The following EXOC4 variants were observed in gnomAD, a reference collection of about 807,000 sequenced individuals.
The protein encoded by EXOC4 is exocyst complex component 4, also known as SEC8-like 1.
In EXOC4, 71 loss-of-function variants were observed where a neutral mutation model predicts 107.2. The ratio of observed to expected loss-of-function variants is 0.66; its 90% confidence interval spans 0.55 to 0.81. The LOEUF (loss-of-function observed/expected upper bound fraction) is 0.81. EXOC4 is among the 30% of genes least tolerant of loss of function. EXOC4 has a pLI of 0.00. For synonymous variants in EXOC4, 456 were observed against 441.2 expected, an observed-to-expected ratio of 1.03 and a Z score of -0.42; for missense variants, 1,108 against 1,189.6, an observed-to-expected ratio of 0.93 and a Z score of 1.01.
chr7:133,314,796 A>T (rs951327143), intron 4 of EXOC4, among the ~76,000 whole-genome samples: 1 of 152,162 alleles, frequency 6.6e-6, no homozygotes, highest in African/African-American at 2.4e-5. Context: ...ATTTATCTGT[A>T]CTTTAAAAGT....
intron 11 of EXOC4, 147 bp from the exon 12 acceptor site, chr7:133,895,452 C>T (rs1435189782): frequency 2.5e-6 from 2 of 787,538 alleles, no homozygotes; most frequent in East Asian, 2.6e-5. Flanking sequence ...TTGGCTCCTC[C>T]CCCTGTTTTG....
At chr7:133,900,956 G>A (rs532699614) in intron 12 of EXOC4, among the ~76,000 whole-genome samples, 122 of 152,152 alleles carry the variant, frequency 8.0e-4, no homozygotes, top group African/African-American at 2.8e-3. Flanking sequence ...TGCAGCCTCC[G>A]CCTCCCAGAT....
At chr7:133,655,311 AC>A (rs1258787771) in intron 10 of EXOC4, among the ~76,000 whole-genome samples, 3 of 152,200 alleles carry the variant, frequency 2.0e-5, no homozygotes, top group Non-Finnish European at 4.4e-5. Flanking sequence ...CATATCTATC[AC>A]CCCAAACCTT....
chr7:133,558,676 G>T (rs970403374), intron 9 of EXOC4, among the ~76,000 whole-genome samples: 26 of 150,856 alleles, frequency 1.7e-4, no homozygotes, highest in Middle Eastern at 3.2e-3. Flanking sequence ...GTTTTTTTCC[G>T]TAGGCTGTGA....
chr7:133,962,882 C>T (rs1385037135), intron 14 of EXOC4, among the ~76,000 whole-genome samples: 1 of 152,216 alleles, frequency 6.6e-6, no homozygotes, highest in Non-Finnish European at 1.5e-5. Flanking sequence ...GTTAATTCCA[C>T]ACTGTGGCTG....
At chr7:133,522,309 A>C (rs988819722) in intron 9 of EXOC4, among the ~76,000 whole-genome samples, 4 of 152,068 alleles carry the variant, frequency 2.6e-5, no homozygotes, top group Non-Finnish European at 5.9e-5. Context: ...TCCATTATAG[A>C]CTTTGCACAT....
At chr7:133,701,065 G>A (rs1033057783) in intron 10 of EXOC4, among the ~76,000 whole-genome samples, 3 of 152,030 alleles carry the variant, frequency 2.0e-5, no homozygotes, top group African/African-American at 4.8e-5. Context: ...ATATAGATAC[G>A]TATGTTAATG....
At chr7:133,321,992 A>T (rs988726142) in intron 5 of EXOC4, among the ~76,000 whole-genome samples, 1 of 150,054 alleles carries the variant, frequency 6.7e-6, no homozygotes, top group Non-Finnish European at 1.5e-5. Context: ...GAGCATTTTC[A>T]TTATGTTGGC....
chr7:133,438,637 C>T (rs1015942542), intron 7 of EXOC4, among the ~76,000 whole-genome samples: 1 of 152,124 alleles, frequency 6.6e-6, no homozygotes, highest in Non-Finnish European at 1.5e-5. Context: ...AGCCAAACAT[C>T]CCAAGTTTTA....
At position 133,787,953 on chromosome 7, in the gene EXOC4, A is replaced by ATTTTTT. The variant is rs1265639298; in HGVS notation, c.1515-29369_1515-29368insTTTTTT. ...CTAGATACTTCTTCCCTGTGCATAT[A>ATTTTTT]TTTATATATTTATATATATATATAT... On this transcript the variant is annotated intron_variant, in intron 10 of 17. Transcript: ENST00000253861. Among the ~76,000 whole-genome samples the ATTTTTT allele has an allele frequency of 2.5e-3, 39 of 15,614 alleles. 1 individual carries two copies. Among genetic ancestry groups the ATTTTTT allele is most frequent in the African/African-American group, 5.7e-3 (38 of 6,670 alleles). 10.2% of individuals were successfully genotyped at this position (15,614 alleles called of 152,430 possible). A position where few individuals can be genotyped will look rare whatever the true frequency, so the allele number is the denominator to read the frequency against.
intron 10 of EXOC4, among the ~76,000 whole-genome samples, chr7:133,762,991 A>G (rs1167979680): frequency 6.6e-6 from 1 of 152,160 alleles, no homozygotes; most frequent in East Asian, 1.9e-4. Context: ...ATACCGATTT[A>G]TAAAGTCAAT....
chr7:133,980,274 A>C (rs1440282676), intron 14 of EXOC4, among the ~76,000 whole-genome samples: 3 of 152,192 alleles, frequency 2.0e-5, no homozygotes, highest in Non-Finnish European at 4.4e-5. Flanking sequence ...ATTTCTTGCA[A>C]GGTTTTTCGA....
At chr7:133,592,340 A>G (rs1468974493) in intron 9 of EXOC4, among the ~76,000 whole-genome samples, 1 of 152,178 alleles carries the variant, frequency 6.6e-6, no homozygotes, top group Non-Finnish European at 1.5e-5. Context: ...TATGGAAAAC[A>G]TTTCCATTTG....
intron 15 of EXOC4, among the ~76,000 whole-genome samples, chr7:134,002,865 G>A (rs6467514): frequency 6.6e-6 from 1 of 151,914 alleles, no homozygotes; most frequent in East Asian, 1.9e-4. Flanking sequence ...TTTGTATACT[G>A]CCAGTAAGTA....
chr7:133,308,918 A>G (rs540006174), intron 4 of EXOC4, among the ~76,000 whole-genome samples: 10 of 152,306 alleles, frequency 6.6e-5, no homozygotes, highest in Admixed American at 2.6e-4. Flanking sequence ...TGCATTTTCC[A>G]TCTTCCCATA....
intron 1 of EXOC4, among the ~76,000 whole-genome samples, chr7:133,270,920 CTTT>C (rs34668596): frequency 7.3e-6 from 1 of 136,276 alleles, no homozygotes. Context: ...TCATGCTTTG[CTTT>C]TTTTTTTTTT....
intron 11 of EXOC4, among the ~76,000 whole-genome samples, chr7:133,826,196 A>T (rs1176532478): frequency 6.6e-6 from 1 of 152,120 alleles, no homozygotes; most frequent in Non-Finnish European, 1.5e-5. Flanking sequence ...TAAATTTTTT[A>T]TTGCTAATAG....
chr7:133,331,325 C>G (rs1795382076), intron 5 of EXOC4, among the ~76,000 whole-genome samples: 1 of 151,960 alleles, frequency 6.6e-6, no homozygotes, highest in South Asian at 2.1e-4. Flanking sequence ...TAAAGAATCT[C>G]TATAAATCAA....
intron 7 of EXOC4, among the ~76,000 whole-genome samples, chr7:133,437,711 C>T (rs1256728262): frequency 6.6e-6 from 1 of 152,170 alleles, no homozygotes; most frequent in Non-Finnish European, 1.5e-5. Context: ...CCTTAAGCTC[C>T]TCTGCTTCCC....
Sources: gnomAD v4.1 joint callset for allele counts (sites outside exome capture counted in the v4.1 genomes callset) on GRCh38, gnomAD v4.1.1 for gene constraint, MANE v1.5 for transcripts, NCBI Gene and HGNC (gene_info 2026-07-23, HGNC 2026-07-21) for gene names.